Variants in GBGT1 observed in about 807,000 individuals in gnomAD.
The protein encoded by GBGT1 is globoside alpha-1,3-N-acetylgalactosaminyltransferase 1.
GBGT1 carries 18 observed loss-of-function variants against 20.9 expected under a neutral mutation model. The ratio of observed to expected loss-of-function variants is 0.86; its 90% CI spans 0.60 to 1.28. GBGT1 has a LOEUF of 1.28. GBGT1 is among the 50% of genes most tolerant of loss of function. GBGT1 has a pLI of 0.00. For synonymous variants in GBGT1, 168 were observed against 180.8 expected, an observed-to-expected ratio of 0.93 and a Z score of 0.57; for missense variants, 432 against 455.7, an observed-to-expected ratio of 0.95 and a Z score of 0.47.
In GBGT1 at chr9:133,155,256, G is replaced by A; in HGVS notation, c.281C>T (p.Thr94Ile). 6.2e-7 allele frequency: 1 copy of A among 1,614,012 alleles called. No individual in the cohort carries two copies. The highest frequency in any genetic ancestry group is 2.2e-5 in the East Asian group (1 of 44,878). The change falls in exon 6 of 7, where the codon ACC becomes ATC. Residue 94 changes from threonine (T) to isoleucine (I), a missense_variant. By Grantham distance (89) the Thr-to-Ile change is moderately conservative. Transcript: ENST00000372040. ...PWLAPIVSEGTFNPELLQHIY... is the reference protein window; with the variant it reads ...PWLAPIVSEGIFNPELLQHIY... ...GTGCTGCAGAAGCTCTGGGTTGAAG[G>A]TTCCCTCGGAGACGATGGGCGCCAA...
intron 3 of GBGT1, 184 bp downstream of exon 3, chr9:133,161,283 G>A (rs1452687124): frequency 1.5e-5 from 8 of 535,948 alleles, no homozygotes; most frequent in Non-Finnish European, 2.6e-5. Context: ...CTGGAAGACC[G>A]AAATGGGAAT....
chr9:133,158,190 C>T (rs945780930), intron 3 of GBGT1, among the ~76,000 whole-genome samples: 12 of 152,146 alleles, frequency 7.9e-5, no homozygotes, highest in South Asian at 4.1e-4. Flanking sequence ...ACAAAAGGCC[C>T]GAGGCCGACT....
chr9:133,154,963 G>GCA lies in GBGT1; in HGVS notation c.359+213_359+214dup. Reference sequence around the variant, plus strand: ...CCTGCTGTCCCCTCACCTGGACTCTGCATCCTGTCTATGCTAGAGCCAGAT... The same window carrying GCA: ...CCTGCTGTCCCCTCACCTGGACTCTGCACATCCTGTCTATGCTAGAGCCAGAT... On this transcript the variant is annotated intron_variant, in intron 6 of 6. Transcript: ENST00000372040. This position sits in a 1 kb window ranked among gnomAD's most constrained non-coding sequence, Gnocchi z 4.2. The GCA allele has an allele frequency of 3.7e-6, 2 of 538,960 alleles. No individual in the cohort carries two copies. The highest frequency in any genetic ancestry group is 5.9e-5 in the East Asian group (2 of 34,150). The allele number at this position is 538,960 out of a possible 1,614,324, so 33.4% of individuals were successfully genotyped here. A position where few individuals can be genotyped will look rare whatever the true frequency, so the allele number is the denominator to read the frequency against.
At chr9:133,156,952 C>A (rs1014677855) in intron 3 of GBGT1, among the ~76,000 whole-genome samples, 11 of 152,152 alleles carry the variant, frequency 7.2e-5, no homozygotes, top group Non-Finnish European at 1.6e-4. Flanking sequence ...CCTAGACAAC[C>A]TGGGTGGGAC....
intron 3 of GBGT1, 95 bp from the exon 4 acceptor site, chr9:133,156,160 G>T (rs1832864097): frequency 2.2e-6 from 3 of 1,387,058 alleles, no homozygotes; most frequent in African/African-American, 2.9e-5. Context: ...CCTGCGGGTG[G>T]GCACCCAGGG....
rs544170071 is a variant in GBGT1 at position 133,159,846 on chromosome 9, AG to A, written c.137+1620del. On this transcript the variant is annotated intron_variant, in intron 3 of 6. Transcript: ENST00000372040. The stretch of plus-strand genomic sequence containing the variant: ...TAGACAAACTGGAAAGAAAAAAAAA[AG>A]TTGTAGGTATACTTAGCCAAGAGTG... Among the ~76,000 whole-genome samples the A allele has an allele frequency of 3.3e-5, 5 of 152,240 alleles. No individual in the cohort carries two copies. The South Asian group carries it at 1.0e-3, about 32-fold the overall frequency.
rs189184072 is a variant in GBGT1, at chr9:133,159,574, T to C, written c.137+1893A>G. ...GCAGGGGCGAGTTGGGACGACCCCTTGAGGCCAGGAGTTCCAGACCAGCCT... is the reference window on the plus strand; with the variant it reads ...GCAGGGGCGAGTTGGGACGACCCCTCGAGGCCAGGAGTTCCAGACCAGCCT... On this transcript the variant is annotated intron_variant, in intron 3 of 6. Coordinates refer to ENST00000372040, the MANE Select transcript of GBGT1 (RefSeq NM_021996.6). Among the ~76,000 whole-genome samples, 686 of 152,274 alleles carry C rather than the reference T, an allele frequency of 4.5e-3. 7 individuals are homozygous for C. The highest frequency in any genetic ancestry group is 0.017 in the Middle Eastern group (5 of 294).
Position 133,162,491 on chromosome 9 carries a change from G to T in GBGT1, c.-79C>A. The T allele has an allele frequency of 8.4e-7, 1 of 1,190,996 alleles. No homozygotes were observed. The highest frequency in any genetic ancestry group is 1.2e-6 in the Non-Finnish European group (1 of 816,884). The allele number at this position is 1,190,996 out of a possible 1,614,324, so 73.8% of individuals were successfully genotyped here. On this transcript the variant is annotated 5_prime_UTR_variant, in exon 2 of 7. Coordinates refer to ENST00000372040, the MANE Select transcript of GBGT1 (RefSeq NM_021996.6). ...GCGGATGAGGCTGTCCCCTCGCAGG[G>T]ATGTCAGGCTCTGAGCCTGGTCTCT...
At chr9:133,161,643 G>A (rs1833048323) in intron 2 of GBGT1, 111 bp from the exon 3 acceptor site, 3 of 685,802 alleles carry the variant, frequency 4.4e-6, no homozygotes, top group African/African-American at 3.6e-5. Context: ...GCATTAGGAG[G>A]CCAGGTCCCC....
intron 3 of GBGT1, chr9:133,161,140 G>T (rs1833031335): frequency 2.5e-6 from 1 of 403,394 alleles, no homozygotes; most frequent in Non-Finnish European, 4.4e-6. Flanking sequence ...AACCCCTGCT[G>T]GTCACCGGGA....
chr9:133,155,076 G>A (rs1047238155), intron 6 of GBGT1, 102 bp downstream of exon 6: 46 of 1,074,672 alleles, frequency 4.3e-5, no homozygotes, highest in African/African-American at 2.9e-4. Context: ...CCTCCCGGGT[G>A]CCCAGCAGGG....
At chr9:133,156,981 G>A (rs1192424607) in intron 3 of GBGT1, among the ~76,000 whole-genome samples, 1 of 152,160 alleles carries the variant, frequency 6.6e-6, no homozygotes, top group Non-Finnish European at 1.5e-5. Flanking sequence ...TTGGTTGAAA[G>A]GCCTTAAGAA....
intron 3 of GBGT1, 33 bp from the exon 4 acceptor site, chr9:133,156,098 T>C: frequency 6.2e-7 from 1 of 1,612,466 alleles, no homozygotes; most frequent in South Asian, 1.1e-5. Flanking sequence ...GCCATCATCA[T>C]GGGTCTGGGG....
chr9:133,153,748 G>T lies in GBGT1; in HGVS notation c.873C>A (p.Ile291=), dbSNP rs889674400. Residue 291 remains isoleucine, a synonymous_variant, in exon 7 of 7, where the codon ATC becomes ATA. Coordinates refer to ENST00000372040, the MANE Select transcript of GBGT1 (RefSeq NM_021996.6). ...GGCTTTCCTCCCGCCAGGCAGCCAT[G>T]ATGCCATTGGCCTTGTCCGCCAGGA... The part of the protein sequence containing the change: ...MAILADKANG[I]MAAWREESHL... 3.1e-6 allele frequency: 5 copies of T among 1,612,916 alleles called. No homozygotes were observed. In the Admixed American group the frequency reaches 5.0e-5, roughly 16 times the overall value.
In GBGT1 at chr9:133,162,437, G is replaced by T. The variant is rs371319536; in HGVS notation, c.-25C>A. 6.3e-7 allele frequency: 1 copy of T among 1,584,860 alleles called. No homozygotes were observed. Among genetic ancestry groups the T allele is most frequent in the African/African-American group, 1.3e-5 (1 of 74,670 alleles). On this transcript the variant is annotated 5_prime_UTR_variant, in exon 2 of 7. Transcript: ENST00000372040. Reference sequence around the variant, plus strand: ...TTGCTGGGGGCTGCACCTGAGCCTGGGCACTTGTAGAGACCCCCACTGGCC... The same window carrying T: ...TTGCTGGGGGCTGCACCTGAGCCTGTGCACTTGTAGAGACCCCCACTGGCC...
intron 3 of GBGT1, among the ~76,000 whole-genome samples, chr9:133,158,977 G>A (rs117804300): frequency 0.017 from 2,617 of 151,052 alleles, 41 homozygotes; most frequent in Non-Finnish European, 0.026. Flanking sequence ...TCTTTTTTTA[G>A]ATGGAGTCTC....
Position 133,153,821 on chromosome 9 carries a change from C to T in GBGT1, c.800G>A (p.Gly267Glu). 6.3e-7 allele frequency: 1 copy of T among 1,586,842 alleles called. No homozygotes were observed. Among genetic ancestry groups the T allele is most frequent in the Non-Finnish European group, 8.6e-7 (1 of 1,163,350 alleles). The change falls in exon 7 of 7, where the codon GGG becomes GAG. Residue 267 changes from glycine to glutamate, a missense_variant. Physicochemically the swap from Gly to Glu is moderately conservative, Grantham distance 98. Transcript: ENST00000372040. ...DFYYGGAVFG[G>E]QVARVYEFTR... ...AAACTCATATACCCTGGCCACCTGC[C>T]CCCCGAAGACTGCCCCACCATAATA...
At chr9:133,163,618 T>G (rs1833124838) in intron 1 of GBGT1, 136 bp downstream of exon 1, 1 of 152,782 alleles carries the variant, frequency 6.5e-6, no homozygotes, top group South Asian at 1.9e-4. Context: ...CCGGCCCCAG[T>G]CCGTGGTCGG....
Position 133,161,550 on chromosome 9 carries a change from A to G in GBGT1, c.72-18T>C, listed in dbSNP as rs886927827. The G allele has an allele frequency of 4.4e-6, 7 of 1,580,246 alleles. No individual in the cohort carries two copies. The Admixed American group carries it at 6.9e-5, about 16-fold the overall frequency. On this transcript the variant is annotated intron_variant, in intron 2 of 6. Transcript: ENST00000372040. ...GATACACCCTGTGAATAAAAAAAAG[A>G]AAAAAAATCTGTTGATCCACTCTGC...
Sources: allele counts gnomAD v4.1 joint callset (sites outside exome capture counted in the v4.1 genomes callset), GRCh38; gene constraint gnomAD v4.1.1; non-coding constraint Gnocchi (gnomAD v3.1); transcripts MANE v1.5; gene names NCBI Gene and HGNC (gene_info 2026-07-23, HGNC 2026-07-21).